The following SMIM14 variants were observed in gnomAD, a reference collection of about 807,000 sequenced individuals.
SMIM14 encodes the protein small integral membrane protein 14, also known as chromosome 4 open reading frame 34.
SMIM14 carries 5 observed loss-of-function variants against 12.6 expected under a neutral mutation model. The ratio of observed to expected loss-of-function variants is 0.40; its 90% confidence interval spans 0.21 to 0.83. The LOEUF is 0.83. Ranked by LOEUF, SMIM14 falls within the 40% of genes least tolerant of loss-of-function variation. SMIM14 has a pLI of 0.37. For missense variants in SMIM14, 86 were observed against 119.1 expected, an observed-to-expected ratio of 0.72 and a Z score of 1.29; for synonymous variants, 30 against 40.1, an observed-to-expected ratio of 0.75 and a Z score of 0.95.
intron 1 of SMIM14, among the ~76,000 whole-genome samples, chr4:39,630,115 A>G (rs1715846252): frequency 6.6e-6 from 1 of 152,234 alleles, no homozygotes; most frequent in Non-Finnish European, 1.5e-5. Flanking sequence ...AGAAAGAAGC[A>G]GAGTGCTGAG....
At chr4:39,633,682 C>T (rs1715989663) in intron 1 of SMIM14, among the ~76,000 whole-genome samples, 3 of 152,090 alleles carry the variant, frequency 2.0e-5, no homozygotes, top group African/African-American at 7.2e-5. Context: ...CGCATGAGCC[C>T]AGAAGGTTGA....
chr4:39,620,580 T>C (rs1715448929), intron 1 of SMIM14, among the ~76,000 whole-genome samples: 1 of 152,196 alleles, frequency 6.6e-6, no homozygotes, highest in South Asian at 2.1e-4. Context: ...GCTGATCCTC[T>C]GGCCTCAGCC....
chr4:39,590,622 C>T (rs1343069722), intron 2 of SMIM14, among the ~76,000 whole-genome samples: 11 of 150,462 alleles, frequency 7.3e-5, no homozygotes, highest in African/African-American at 2.0e-4. Context: ...GCCAACAAGG[C>T]GAAACCCCGT....
chr4:39,606,695 T>C (rs1578352617), intron 1 of SMIM14, among the ~76,000 whole-genome samples: 1 of 150,412 alleles, frequency 6.6e-6, no homozygotes, highest in Admixed American at 6.6e-5. Flanking sequence ...TAGTGACACC[T>C]GAGAGACGGA....
At chr4:39,570,992 G>C (rs1712849607) in intron 3 of SMIM14, among the ~76,000 whole-genome samples, 2 of 152,000 alleles carry the variant, frequency 1.3e-5, no homozygotes, top group South Asian at 2.1e-4. Flanking sequence ...GACTGGATTG[G>C]TTTAAATACT....
intron 2 of SMIM14, among the ~76,000 whole-genome samples, chr4:39,603,238 A>C (rs1007138784): frequency 2.6e-5 from 4 of 152,154 alleles, no homozygotes; most frequent in Non-Finnish European, 5.9e-5. Flanking sequence ...TAATGGTCAA[A>C]TTTTTCCTTT....
intron 3 of SMIM14, among the ~76,000 whole-genome samples, chr4:39,562,793 G>A (rs962498589): frequency 1.7e-4 from 22 of 130,118 alleles, no homozygotes; most frequent in Non-Finnish European, 2.6e-4. Flanking sequence ...AGGCATGAGC[G>A]ACCCCACCTG....
chr4:39,568,457 A>C (rs1242802609), intron 3 of SMIM14, among the ~76,000 whole-genome samples: 1 of 152,160 alleles, frequency 6.6e-6, no homozygotes, highest in Non-Finnish European at 1.5e-5. Context: ...ACCTATGAAA[A>C]GGGGAAGAGT....
intron 1 of SMIM14, among the ~76,000 whole-genome samples, chr4:39,632,266 G>C (rs554625070): frequency 1.3e-5 from 2 of 152,056 alleles, no homozygotes; most frequent in Non-Finnish European, 2.9e-5. Flanking sequence ...CAAGGCAGGC[G>C]GTCAAGAGAT....
At chr4:39,622,073 C>CTTTTTTG (rs768536371) in intron 1 of SMIM14, among the ~76,000 whole-genome samples, 2 of 152,078 alleles carry the variant, frequency 1.3e-5, no homozygotes, top group Admixed American at 1.3e-4. Flanking sequence ...AGCAAATGCA[C>CTTTTTTG]TTTTTTGTTT....
At chr4:39,593,398 G>C (rs1379839267) in intron 2 of SMIM14, 1 of 152,092 alleles carries the variant, frequency 6.6e-6, no homozygotes, top group African/African-American at 2.4e-5. Context: ...TTGATGGGAC[G>C]TATCTCAAAA....
intron 1 of SMIM14, among the ~76,000 whole-genome samples, chr4:39,618,852 G>T (rs1402605080): frequency 6.6e-6 from 1 of 152,044 alleles, no homozygotes; most frequent in Non-Finnish European, 1.5e-5. Context: ...CCTTGCAGGG[G>T]TGTCAAGCCC....
chr4:39,630,850 C>A (rs1013060570), intron 1 of SMIM14, among the ~76,000 whole-genome samples: 15 of 114,980 alleles, frequency 1.3e-4, no homozygotes, highest in East Asian at 2.3e-4. Flanking sequence ...GCATGGGCAA[C>A]AAGAGCAAAA....
intron 1 of SMIM14, among the ~76,000 whole-genome samples, chr4:39,632,478 C>CAAAAAAA (rs71192888): frequency 1.1e-5 from 1 of 88,756 alleles, no homozygotes; most frequent in Non-Finnish European, 2.2e-5. Flanking sequence ...GACTCCGTCT[C>CAAAAAAA]AAAAAAAAAA....
At position 39,619,840 on chromosome 4, in the gene SMIM14, ATATATATATT is replaced by A. The variant is rs1198358843; in HGVS notation, c.-35-14670_-35-14661del. On this transcript the variant is annotated intron_variant, in intron 1 of 4. Transcript: ENST00000295958. Reference sequence around the variant, plus strand: ...AATATTTATATGTATATATAAATGTATATATATATTTATATATATTTATATATATATATAT... The same window carrying A: ...AATATTTATATGTATATATAAATGTATATATATATTTATATATATATATAT... Among the ~76,000 whole-genome samples the A allele has an allele frequency of 5.0e-4, 56 of 111,386 alleles. 2 individuals are homozygous for A. Among genetic ancestry groups the A allele is most frequent in the African/African-American group, 1.4e-3 (36 of 26,078 alleles). 73.1% of individuals were successfully genotyped at this position (111,386 alleles called of 152,430 possible).
chr4:39,567,143 GAAAAAAA>G (rs1168446466), intron 3 of SMIM14, among the ~76,000 whole-genome samples: 27 of 72,098 alleles, frequency 3.7e-4, no homozygotes, highest in African/African-American at 1.1e-3. Context: ...CTCAAAAAAA[GAAAAAAA>G]AAAAAAAAAA....
chr4:39,575,197 A>T (rs1464147987), intron 2 of SMIM14, among the ~76,000 whole-genome samples: 1 of 151,186 alleles, frequency 6.6e-6, no homozygotes, highest in African/African-American at 2.4e-5. Context: ...AGCTGGGACT[A>T]CAGACGCCAC....
intron 1 of SMIM14, among the ~76,000 whole-genome samples, chr4:39,620,307 G>A (rs182294822): frequency 5.9e-4 from 89 of 151,350 alleles, no homozygotes; most frequent in African/African-American, 2.1e-3. Context: ...CTGAAACCCC[G>A]TCTCTACTAA....
At chr4:39,629,996 C>T (rs1228040542) in intron 1 of SMIM14, among the ~76,000 whole-genome samples, 1 of 152,126 alleles carries the variant, frequency 6.6e-6, no homozygotes, top group Non-Finnish European at 1.5e-5. Context: ...ATATTACAAG[C>T]AATGGTACCA....
Sources: gnomAD v4.1 joint callset for allele counts (sites outside exome capture counted in the v4.1 genomes callset) on GRCh38, gnomAD v4.1.1 for gene constraint, MANE v1.5 for transcripts, NCBI Gene and HGNC (gene_info 2026-07-23, HGNC 2026-07-21) for gene names.